Variants in C4orf33 observed in about 807,000 individuals in gnomAD.
C4orf33 encodes the protein chromosome 4 open reading frame 33.
A neutral mutation model predicts 24.3 loss-of-function variants in C4orf33; 20 were observed. The ratio of observed to expected loss-of-function variants is 0.82; its 90% CI spans 0.58 to 1.19. The LOEUF (loss-of-function observed/expected upper bound fraction) is 1.19. Among genes scored for constraint, C4orf33 ranks in the 50% most tolerant of loss-of-function variants. The probability of loss-of-function intolerance (pLI) is 0.00; values close to 1 mark genes in which losing one functional copy is unlikely to be tolerated. For missense variants in C4orf33, 207 were observed against 225.9 expected (o/e 0.92, Z 0.54); for synonymous variants, 67 against 76.4 (o/e 0.88, Z 0.64).
rs1753398415 is a variant in C4orf33, at chr4:129,102,791, G to A, written c.181G>A (p.Val61Ile). Residue 61 changes from valine to isoleucine, a missense_variant and splice_region_variant, in exon 2 of 6, where the codon GTT becomes ATT. By Grantham distance (29) the Val-to-Ile change is conservative. Coordinates refer to ENST00000425929, the MANE Select transcript of C4orf33 (RefSeq NM_001099783.2). ...TTTCAATGAACTGTGGGATTATGAA[G>A]GTAAGTGGAAGTACTGTATTTTATT... is the stretch of plus-strand genomic sequence containing the variant. The part of the protein sequence containing the change: ...KPFNELWDYE[V>I]VEAFFLNDIT... 1.2e-6 allele frequency: 2 copies of A among 1,609,166 alleles called. No individual in the cohort carries two copies. Among genetic ancestry groups the A allele is most frequent in the Non-Finnish European group, 1.7e-6 (2 of 1,177,962 alleles).
intron 1 of C4orf33, among the ~76,000 whole-genome samples, chr4:129,098,404 T>C (rs1753261757): frequency 6.6e-6 from 1 of 152,212 alleles, no homozygotes; most frequent in Non-Finnish European, 1.5e-5. Flanking sequence ...TTTCCACTTA[T>C]AAGTGAAAAT....
rs1274492592 is a variant in C4orf33, at chr4:129,114,665, A to G, written c.*2874A>G. 6.6e-6 allele frequency: 1 copy of G among 152,136 alleles called. No individual in the cohort carries two copies. 9.4% of individuals were successfully genotyped at this position (152,136 alleles called of 1,614,324 possible). A position where few individuals can be genotyped will look rare whatever the true frequency, so the allele number is the denominator to read the frequency against. On this transcript the variant is annotated 3_prime_UTR_variant, in exon 6 of 6. Transcript: ENST00000425929. ...TGACAAGGACCCCATTGTTGGTGGTAATGGCTCTGCTATAAGTAACTTCAC... is the reference window on the plus strand; with the variant it reads ...TGACAAGGACCCCATTGTTGGTGGTGATGGCTCTGCTATAAGTAACTTCAC...
Position 129,109,598 on chromosome 4 carries a change from A to G in C4orf33, c.420A>G (p.Ser140=), listed in dbSNP as rs572798457. Residue 140 remains serine (S), a synonymous_variant, in exon 5 of 6, where the codon TCA becomes TCG. Transcript: ENST00000425929. ...TKFNSFAIHG[S]KDKRSYEALY... is the part of the protein sequence containing the mutation. ...TCAATTCATTTGCAATTCATGGATCAAAAGATAAACGAAGTTATGAAGCTC... is the reference window on the plus strand; with the variant it reads ...TCAATTCATTTGCAATTCATGGATCGAAAGATAAACGAAGTTATGAAGCTC... The G allele has an allele frequency of 1.2e-5, 20 of 1,614,112 alleles. 1 individual carries two copies. In the East Asian group the frequency reaches 3.8e-4, roughly 31 times the overall value.
upstream of C4orf33, among the ~76,000 whole-genome samples, chr4:129,095,077 T>C (rs1200624000): frequency 2.0e-5 from 3 of 152,232 alleles, no homozygotes; most frequent in African/African-American, 7.2e-5. Context: ...CTCGAATTTT[T>C]TAGCTTACAT....
chr4:129,096,283 A>G (rs1035922881), intron 1 of C4orf33, 74 bp downstream of exon 1: 1 of 151,866 alleles, frequency 6.6e-6, no homozygotes, highest in African/African-American at 2.4e-5. Context: ...TTTTCGCTTG[A>G]TCTCTGGAAA....
intron 2 of C4orf33, among the ~76,000 whole-genome samples, chr4:129,105,644 A>G (rs1753495278): frequency 6.6e-6 from 1 of 152,232 alleles, no homozygotes; most frequent in African/African-American, 2.4e-5. Context: ...TGAGTAAGTT[A>G]TAATATTCTA....
chr4:129,109,520 G>C lies in C4orf33; in HGVS notation c.342G>C (p.Trp114Cys), dbSNP rs1440037055. The change falls in exon 5 of 6, where the codon TGG becomes TGC. Residue 114 changes from tryptophan to cysteine, a missense_variant. Coordinates refer to ENST00000425929, the MANE Select transcript of C4orf33 (RefSeq NM_001099783.2). ...SFRMSRGETK[W>C]EGKAYLPWSY... is the part of the protein sequence containing the mutation. ...GAATGTCCAGAGGAGAGACAAAATG[G>C]GAAGGCAAAGCTTATCTCCCTTGGA... The C allele has an allele frequency of 1.2e-6, 2 of 1,613,750 alleles. No homozygotes were observed. The highest frequency in any genetic ancestry group is 1.7e-6 in the Non-Finnish European group (2 of 1,179,818).
At chr4:129,094,479 G>A (rs78762210), upstream of C4orf33, among the ~76,000 whole-genome samples, 2,204 of 152,124 alleles carry the variant, frequency 0.014, 51 homozygotes, top group African/African-American at 0.045. Context: ...TCTGTTTAAC[G>A]GCTTAAGAGT....
At chr4:129,098,595 T>C (rs1253825312) in intron 1 of C4orf33, among the ~76,000 whole-genome samples, 2 of 152,250 alleles carry the variant, frequency 1.3e-5, no homozygotes, top group South Asian at 2.1e-4. Flanking sequence ...AGGAGAGTTC[T>C]TGGCTTCATG....
chr4:129,102,872 G>C, intron 2 of C4orf33, 81 bp downstream of exon 2: 1 of 1,323,250 alleles, frequency 7.6e-7, no homozygotes, highest in South Asian at 1.5e-5. Flanking sequence ...TTATCTTGCT[G>C]TTGGGAAGTA....
At chr4:129,109,918 C>A in intron 5 of C4orf33, 1 of 1,154,280 alleles carries the variant, frequency 8.7e-7, no homozygotes, top group East Asian at 3.6e-5. Context: ...GTGTTGTTTG[C>A]ATGTGAGAAA....
rs2125805585 is a variant in C4orf33, at chr4:129,113,552, G to A, written c.*1761G>A. The stretch of plus-strand genomic sequence containing the variant: ...CCTTTTGTTTAAAATATGCATAAAT[G>A]CATTTCTTTGCTGTGATTTGAATTG... On this transcript the variant is annotated 3_prime_UTR_variant, in exon 6 of 6. Coordinates refer to ENST00000425929, the MANE Select transcript of C4orf33 (RefSeq NM_001099783.2). 6.6e-6 allele frequency: 1 copy of A among 151,626 alleles called. No individual in the cohort carries two copies. Among genetic ancestry groups the A allele is most frequent in the Middle Eastern group, 3.4e-3 (1 of 292 alleles). 9.4% of individuals were successfully genotyped at this position (151,626 alleles called of 1,614,324 possible).
Position 129,112,691 on chromosome 4 carries a change from T to C in C4orf33, c.*900T>C, listed in dbSNP as rs1753716525. 2.0e-5 allele frequency: 3 copies of C among 152,248 alleles called. No homozygotes were observed. Among genetic ancestry groups the C allele is most frequent in the Middle Eastern group, 3.4e-3 (1 of 294 alleles). 9.4% of individuals were successfully genotyped at this position (152,248 alleles called of 1,614,324 possible). A position where few individuals can be genotyped will look rare whatever the true frequency, so the allele number is the denominator to read the frequency against. ...AAATGGAATTAACTTCAAGTTTACA[T>C]TGAGTTTATATGTTTCCATTGAACA... On this transcript the variant is annotated 3_prime_UTR_variant, in exon 6 of 6. Coordinates refer to ENST00000425929, the MANE Select transcript of C4orf33 (RefSeq NM_001099783.2).
intron 1 of C4orf33, among the ~76,000 whole-genome samples, chr4:129,096,434 A>T (rs562801852): frequency 4.6e-5 from 7 of 152,326 alleles, no homozygotes; most frequent in South Asian, 4.1e-4. Context: ...AGAAATCATT[A>T]TTGTAGAAAA....
rs1753767850 is a variant in C4orf33, at chr4:129,115,822, A to ATATGTT, written c.*4034_*4035insGTTTAT. Reference sequence around the variant, plus strand: ...ACTAAATATATATATATATATATATATATATATAAAATATATATGTTTATA... The same window carrying ATATGTT: ...ACTAAATATATATATATATATATATATATGTTTATATATAAAATATATATGTTTATA... On this transcript the variant is annotated 3_prime_UTR_variant, in exon 6 of 6. Transcript: ENST00000425929. The ATATGTT allele has an allele frequency of 2.2e-5, 2 of 92,668 alleles. No homozygotes were observed. The highest frequency in any genetic ancestry group is 3.8e-5 in the African/African-American group (1 of 26,552). 5.7% of individuals were successfully genotyped at this position (92,668 alleles called of 1,614,324 possible). A position where few individuals can be genotyped will look rare whatever the true frequency, so the allele number is the denominator to read the frequency against.
Position 129,114,238 on chromosome 4 carries a change from T to C in C4orf33, c.*2447T>C, listed in dbSNP as rs1319691488. The C allele has an allele frequency of 6.6e-6, 1 of 152,154 alleles. No individual in the cohort carries two copies. The highest frequency in any genetic ancestry group is 1.5e-5 in the Non-Finnish European group (1 of 68,032). The allele number at this position is 152,154 out of a possible 1,614,324, so 9.4% of individuals were successfully genotyped here. A position where few individuals can be genotyped will look rare whatever the true frequency, so the allele number is the denominator to read the frequency against. On this transcript the variant is annotated 3_prime_UTR_variant, in exon 6 of 6. Coordinates refer to ENST00000425929, the MANE Select transcript of C4orf33 (RefSeq NM_001099783.2). ...TCTCACATGAACTACCCGGGATGTG[T>C]GAAGGGACTAAAACACCCCATGGGG...
chr4:129,107,626 T>C (rs1293579410), intron 3 of C4orf33, among the ~76,000 whole-genome samples: 4 of 152,044 alleles, frequency 2.6e-5, no homozygotes, highest in African/African-American at 9.6e-5. Flanking sequence ...ATCATATACC[T>C]TTGTGTGTTA....
Position 129,114,215 on chromosome 4 carries a change from T to A in C4orf33, c.*2424T>A, listed in dbSNP as rs189235. On this transcript the variant is annotated 3_prime_UTR_variant, in exon 6 of 6. Transcript: ENST00000425929. ...TGCAGGAACCCATTTAGCCATTCTC[T>A]CACATGAACTACCCGGGATGTGTGA... 108,980 of 152,022 alleles carry A rather than the reference T, an allele frequency of 0.72. 41,158 individuals carry two copies. The highest frequency in any genetic ancestry group is 0.89 in the South Asian group (4,274 of 4,808). The allele number at this position is 152,022 out of a possible 1,614,324, so 9.4% of individuals were successfully genotyped here.
At chr4:129,098,623 G>A (rs1001525421) in intron 1 of C4orf33, among the ~76,000 whole-genome samples, 4 of 152,222 alleles carry the variant, frequency 2.6e-5, no homozygotes, top group Admixed American at 1.3e-4. Context: ...GGATTCACAA[G>A]CTAAAGCAAG....
Sources: gnomAD v4.1 joint callset for allele counts (sites outside exome capture counted in the v4.1 genomes callset) on GRCh38, gnomAD v4.1.1 for gene constraint, MANE v1.5 for transcripts, NCBI Gene and HGNC (gene_info 2026-07-23, HGNC 2026-07-21) for gene names.